Variants in ZNF600 observed in about 807,000 individuals in gnomAD.
The protein encoded by ZNF600 is zinc finger protein KR-ZNF1.
Under a neutral mutation model 7.3 loss-of-function variants are expected in ZNF600, and 4 were observed. The observed-to-expected ratio is 0.55, with a 90% CI of 0.27 to 1.25. ZNF600 has a LOEUF of 1.25. Ranked by LOEUF, ZNF600 falls within the 50% of genes most tolerant of loss-of-function variation. The probability of loss-of-function intolerance (pLI) is 0.12; values close to 1 mark genes in which losing one functional copy is unlikely to be tolerated. For synonymous variants in ZNF600, 290 were observed against 308.9 expected (o/e 0.94, Z 0.64); for missense variants, 911 against 922.1 (o/e 0.99, Z 0.16).
chr19:52,804,006 A>G, the ZNF600 span, among the ~76,000 whole-genome samples: 2 of 152,186 alleles, frequency 1.3e-5, no homozygotes, highest in African/African-American at 4.8e-5. Flanking sequence ...GCTTTGGTAG[A>G]TGTGGTATTC....
At chr19:52,800,572 A>G in the ZNF600 span, 1 of 1,613,270 alleles carries the variant, frequency 6.2e-7, no homozygotes, top group Non-Finnish European at 8.5e-7. Flanking sequence ...TTTGCCAGGT[A>G]TGAATTATAT....
At chr19:52,791,136 ATGT>A (rs2062789912), upstream of ZNF600, among the ~76,000 whole-genome samples, 1 of 152,228 alleles carries the variant, frequency 6.6e-6, no homozygotes, top group African/African-American at 2.4e-5. Flanking sequence ...ATTAAAGTAT[ATGT>A]TTCATATGTG....
chr19:52,810,433 G>C, the ZNF600 span: 1 of 1,601,676 alleles, frequency 6.2e-7, no homozygotes, highest in Non-Finnish European at 8.5e-7. Context: ...CATCCCAAAG[G>C]GTTTGCATAT....
the ZNF600 span, among the ~76,000 whole-genome samples, chr19:52,824,503 T>A: frequency 6.6e-6 from 1 of 151,972 alleles, no homozygotes; most frequent in Non-Finnish European, 1.5e-5. Context: ...GGTGTGGTGG[T>A]GCGCGCCTGT....
chr19:52,783,430 C>G, intron 1 of ZNF600, among the ~76,000 whole-genome samples: 1 of 152,144 alleles, frequency 6.6e-6, no homozygotes, highest in South Asian at 2.1e-4. Flanking sequence ...GGCGCGATCT[C>G]GGCTCACTGC....
At chr19:52,792,132 A>G in the ZNF600 span, among the ~76,000 whole-genome samples, 1 of 152,234 alleles carries the variant, frequency 6.6e-6, no homozygotes, top group African/African-American at 2.4e-5. Context: ...TGAGCCCAGC[A>G]CAGCCCCACG....
chr19:52,830,486 C>CA, the ZNF600 span, among the ~76,000 whole-genome samples: 2 of 151,972 alleles, frequency 1.3e-5, no homozygotes, highest in African/African-American at 2.4e-5. Context: ...CAACCAGTCA[C>CA]AAAAAATACA....
intron 1 of ZNF600, among the ~76,000 whole-genome samples, chr19:52,784,801 T>A (rs1233988392): frequency 6.6e-6 from 1 of 152,208 alleles, no homozygotes; most frequent in Non-Finnish European, 1.5e-5. Context: ...TGATCTCTGC[T>A]CACAGCAGCC....
the ZNF600 span, among the ~76,000 whole-genome samples, chr19:52,793,764 C>CCACACACACA: frequency 1.2e-4 from 17 of 138,730 alleles, no homozygotes; most frequent in South Asian, 2.4e-4. Context: ...CCAAACTCTG[C>CCACACACACA]CACACACACA....
chr19:52,771,640 G>A (rs1439032536), intron 3 of ZNF600, among the ~76,000 whole-genome samples: 2 of 152,132 alleles, frequency 1.3e-5, no homozygotes, highest in Non-Finnish European at 2.9e-5. Flanking sequence ...AACACACCCA[G>A]CTAATTTTTG....
At chr19:52,776,416 CT>C (rs111582666) in intron 2 of ZNF600, among the ~76,000 whole-genome samples, 235 of 145,812 alleles carry the variant, frequency 1.6e-3, no homozygotes, top group Middle Eastern at 3.5e-3. Context: ...ATACTTCTTA[CT>C]TTTTTTTTTT....
chr19:52,774,554 G>GC lies in ZNF600; in HGVS notation c.190+20_190+21insG, dbSNP rs1307497656. ...AGACAAGAGCAGACTCCTCATGTCT[G>GC]GGGGACATCATTTTCCTCACCCACA... On this transcript the variant is annotated intron_variant, in intron 3 of 3. Transcript: ENST00000648973. The GC allele has an allele frequency of 2.0e-5, 20 of 984,072 alleles. No homozygotes were observed. In the East Asian group the frequency reaches 4.6e-4, roughly 22 times the overall value. 61.0% of individuals were successfully genotyped at this position (984,072 alleles called of 1,614,324 possible).
chr19:52,768,466 G>T (rs895289731), intron 3 of ZNF600, among the ~76,000 whole-genome samples: 1 of 149,316 alleles, frequency 6.7e-6, no homozygotes, highest in Non-Finnish European at 1.5e-5. Flanking sequence ...CAAAAAAAAA[G>T]TTAATTCAAT....
At chr19:52,792,763 C>A in the ZNF600 span, among the ~76,000 whole-genome samples, 1 of 151,728 alleles carries the variant, frequency 6.6e-6, no homozygotes, top group Non-Finnish European at 1.5e-5. Flanking sequence ...GACGGAGTTT[C>A]ACTCTGTCGC....
rs143951651 is a variant in ZNF600 at position 52,766,233 on chromosome 19, C to T, written c.1730G>A (p.Arg577His). Reference sequence around the variant, plus strand: ...ATGGCTTGCAAGGTATGACCTCAGACGGAAGGTCTTGCTGCACTCATTACA... The same window carrying T: ...ATGGCTTGCAAGGTATGACCTCAGATGGAAGGTCTTGCTGCACTCATTACA... The change falls in exon 4 of 4, where the codon CGT becomes CAT. Residue 577 changes from arginine (R) to histidine (H), a missense_variant. Coordinates refer to ENST00000648973, the Ensembl canonical transcript of ZNF600. 2.3e-3 allele frequency: 3,736 copies of T among 1,613,930 alleles called. 74 individuals carry two copies. The East Asian group carries it at 0.053, about 23-fold the overall frequency.
the ZNF600 span, among the ~76,000 whole-genome samples, chr19:52,830,619 G>A: frequency 2.6e-5 from 4 of 152,046 alleles, no homozygotes; most frequent in Admixed American, 6.6e-5. Flanking sequence ...GAGTCATGAT[G>A]CCCTGCACAC....
the ZNF600 span, among the ~76,000 whole-genome samples, chr19:52,812,016 G>GT: frequency 7.1e-5 from 3 of 42,354 alleles, no homozygotes; most frequent in African/African-American, 2.2e-4. Context: ...GAGGGAGGTG[G>GT]GGGGGACAGC....
the ZNF600 span, among the ~76,000 whole-genome samples, chr19:52,804,694 G>C: frequency 6.6e-6 from 1 of 151,916 alleles, no homozygotes; most frequent in Non-Finnish European, 1.5e-5. Context: ...TAGTAAATTC[G>C]AGGTTTCACC....
the ZNF600 span, among the ~76,000 whole-genome samples, chr19:52,804,722 C>T: frequency 6.6e-6 from 1 of 152,024 alleles, no homozygotes; most frequent in Admixed American, 6.6e-5. Context: ...CCAGACTGGT[C>T]TCAAACTCCT....
Sources: allele counts gnomAD v4.1 joint callset (sites outside exome capture counted in the v4.1 genomes callset), GRCh38; gene constraint gnomAD v4.1.1; transcripts MANE v1.5; gene names NCBI Gene and HGNC (gene_info 2026-07-23, HGNC 2026-07-21).